The following ZHX3 variants were observed in gnomAD, a reference collection of about 807,000 sequenced individuals.
The protein encoded by ZHX3 is zinc fingers and homeoboxes protein 3.
ZHX3 carries 20 observed loss-of-function variants against 64.5 expected under a neutral mutation model. That is an observed-to-expected ratio of 0.31 (90% confidence interval 0.22 to 0.45). The LOEUF is 0.45. ZHX3 is among the 20% of genes least tolerant of loss of function. The probability of loss-of-function intolerance (pLI) is 1.00; values close to 1 mark genes in which losing one functional copy is unlikely to be tolerated. For synonymous variants in ZHX3, 423 were observed against 461.6 expected (o/e 0.92, Z 1.07); for missense variants, 1,041 against 1,195.8 (o/e 0.87, Z 1.91).
intron 2 of ZHX3, among the ~76,000 whole-genome samples, chr20:41,251,103 G>T (rs2041969981): frequency 6.6e-6 from 1 of 152,164 alleles, no homozygotes; most frequent in Admixed American, 6.5e-5. Context: ...ATGATTAAAA[G>T]AATTCTGAAG....
At chr20:41,264,495 G>T (rs2042732940) in intron 2 of ZHX3, among the ~76,000 whole-genome samples, 1 of 149,480 alleles carries the variant, frequency 6.7e-6, no homozygotes, top group Non-Finnish European at 1.5e-5. Context: ...GGAGGCAGTG[G>T]CTGCAGTGAG....
chr20:41,268,156 G>C (rs1190953672), intron 2 of ZHX3, among the ~76,000 whole-genome samples: 1 of 152,128 alleles, frequency 6.6e-6, no homozygotes, highest in Non-Finnish European at 1.5e-5. Flanking sequence ...TGTTGCCATG[G>C]AGTTGCCTAA....
At chr20:41,191,778 G>GT (rs2037040558) in intron 3 of ZHX3, among the ~76,000 whole-genome samples, 3 of 152,314 alleles carry the variant, frequency 2.0e-5, no homozygotes, top group Non-Finnish European at 4.4e-5. Context: ...AGCATCAGTG[G>GT]TATCTGTGAT....
chr20:41,266,691 G>A (rs1403839930), intron 2 of ZHX3, among the ~76,000 whole-genome samples: 6 of 151,458 alleles, frequency 4.0e-5, no homozygotes, highest in South Asian at 4.2e-4. Flanking sequence ...GACTACAGGC[G>A]CGCGCCACTG....
At chr20:41,189,028 A>T (rs1202302034) in intron 3 of ZHX3, among the ~76,000 whole-genome samples, 1 of 152,170 alleles carries the variant, frequency 6.6e-6, no homozygotes. Context: ...ATGGTGAGAG[A>T]TACAGGTCCA....
At position 41,201,192 on chromosome 20, in the gene ZHX3, C is replaced by T; in HGVS notation, c.2860+865G>A. 1 of 854,640 alleles carries T rather than the reference C, an allele frequency of 1.2e-6. No homozygotes were observed. Among genetic ancestry groups the T allele is most frequent in the Non-Finnish European group, 1.6e-6 (1 of 624,766 alleles). 52.9% of individuals were successfully genotyped at this position (854,640 alleles called of 1,614,324 possible). ...ACACCACAAATAGTGTCTCCTGTACCCCCTCCCACATTGCCAACTCAGCTA... is the reference window on the plus strand; with the variant it reads ...ACACCACAAATAGTGTCTCCTGTACTCCCTCCCACATTGCCAACTCAGCTA... On this transcript the variant is annotated intron_variant, in intron 3 of 3. Transcript: ENST00000683867. The surrounding 1 kb of genome is among the most constrained non-coding windows in gnomAD (Gnocchi z 5.0).
At chr20:41,216,772 C>T (rs186082885) in intron 2 of ZHX3, among the ~76,000 whole-genome samples, 1 of 152,266 alleles carries the variant, frequency 6.6e-6, no homozygotes, top group East Asian at 1.9e-4. Context: ...ATATTGTTAG[C>T]AAAATACAAA....
intron 2 of ZHX3, among the ~76,000 whole-genome samples, chr20:41,222,425 G>A (rs922654456): frequency 3.9e-5 from 6 of 152,174 alleles, no homozygotes; most frequent in East Asian, 1.9e-4. Context: ...GGGAAAAACT[G>A]GATTGAACTG....
chr20:41,204,803 C>T lies in ZHX3; in HGVS notation c.114G>A (p.Gln38=). 1.2e-6 allele frequency: 2 copies of T among 1,612,964 alleles called. No individual in the cohort carries two copies. The highest frequency in any genetic ancestry group is 1.7e-6 in the Non-Finnish European group (2 of 1,179,210). ...QPAETLPEGP[Q]QDLPPEASAA... The stretch of plus-strand genomic sequence containing the variant: ...CAGATGCTTCTGGGGGCAGATCCTG[C>T]TGGGGTCCTTCAGGCAAGGTCTCAG... The change falls in exon 3 of 4, where the codon CAG becomes CAA. Residue 38 remains glutamine (Q), a synonymous_variant. Coordinates refer to ENST00000683867, the MANE Select transcript of ZHX3 (RefSeq NM_001384317.1). The surrounding 1 kb of genome is among the most constrained non-coding windows in gnomAD (Gnocchi z 6.6).
intron 3 of ZHX3, chr20:41,196,547 TA>T (rs2037696806): frequency 1.3e-5 from 1 of 78,928 alleles, no homozygotes; most frequent in East Asian, 2.8e-4. Context: ...ATATTATATA[TA>T]ATATATATTA....
intron 1 of ZHX3, among the ~76,000 whole-genome samples, chr20:41,290,756 C>T (rs888869426): frequency 2.0e-5 from 3 of 152,284 alleles, no homozygotes; most frequent in East Asian, 1.9e-4. Context: ...CATTTGGCTA[C>T]GATGGCAGAG....
At chr20:41,293,745 C>A (rs1470913854) in intron 1 of ZHX3, among the ~76,000 whole-genome samples, 2 of 152,108 alleles carry the variant, frequency 1.3e-5, no homozygotes, top group African/African-American at 4.8e-5. Flanking sequence ...GGATCTTAAA[C>A]CTGAAGAAGA....
intron 1 of ZHX3, among the ~76,000 whole-genome samples, chr20:41,270,557 T>G (rs1243992529): frequency 6.6e-6 from 1 of 151,500 alleles, no homozygotes; most frequent in Non-Finnish European, 1.5e-5. Context: ...GCACCTGTAG[T>G]CCCAGCTACT....
intron 1 of ZHX3, among the ~76,000 whole-genome samples, chr20:41,285,977 T>A (rs916414015): frequency 6.6e-6 from 1 of 152,238 alleles, no homozygotes; most frequent in Non-Finnish European, 1.5e-5. Context: ...AGAGTTCTTA[T>A]ATTGACAAGG....
chr20:41,302,875 G>A (rs1441299076), intron 1 of ZHX3, among the ~76,000 whole-genome samples: 1 of 152,150 alleles, frequency 6.6e-6, no homozygotes, highest in Non-Finnish European at 1.5e-5. Context: ...GTTTCTGCAG[G>A]GTTTATCTAT....
rs905745766 is a variant in ZHX3 at position 41,232,448 on chromosome 20, C to G, written c.-150-27382G>C. On this transcript the variant is annotated intron_variant, in intron 2 of 3. Coordinates refer to ENST00000683867, the MANE Select transcript of ZHX3 (RefSeq NM_001384317.1). This position sits in a 1 kb window ranked among gnomAD's most constrained non-coding sequence, Gnocchi z 5.0. ...GGGTAGGGTGTGTTCAGGTCTTCAA[C>G]AGTCCTTTGTTGAGGGCAAATTCTC... Among the ~76,000 whole-genome samples, 3 of 152,182 alleles carry G rather than the reference C, an allele frequency of 2.0e-5. No individual in the cohort carries two copies. The highest frequency in any genetic ancestry group is 4.4e-5 in the Non-Finnish European group (3 of 68,042).
intron 1 of ZHX3, among the ~76,000 whole-genome samples, chr20:41,281,352 C>G (rs1003638498): frequency 6.6e-6 from 1 of 152,146 alleles, no homozygotes. Flanking sequence ...CAAAGGTGTA[C>G]TGTAGCAAAT....
At chr20:41,313,275 A>G (rs1478206841) in intron 1 of ZHX3, among the ~76,000 whole-genome samples, 1 of 152,140 alleles carries the variant, frequency 6.6e-6, no homozygotes, top group East Asian at 1.9e-4. Context: ...GAAATTTGAG[A>G]TCACTGGGAC....
At chr20:41,187,913 T>G (rs1332636416) in intron 3 of ZHX3, among the ~76,000 whole-genome samples, 1 of 152,240 alleles carries the variant, frequency 6.6e-6, no homozygotes, top group African/African-American at 2.4e-5. Context: ...TTTCTGTGTG[T>G]TGGTAATATT....
Sources: allele counts gnomAD v4.1 joint callset (sites outside exome capture counted in the v4.1 genomes callset), GRCh38; gene constraint gnomAD v4.1.1; non-coding constraint Gnocchi (gnomAD v3.1); transcripts MANE v1.5; gene names NCBI Gene and HGNC (gene_info 2026-07-23, HGNC 2026-07-21).